Variants in PDXK observed in about 807,000 individuals in gnomAD.
PDXK encodes the protein epididymis secretory sperm binding protein Li 1a.
A neutral mutation model predicts 43.2 loss-of-function variants in PDXK; 15 were observed. The ratio of observed to expected loss-of-function variants is 0.35; its 90% CI spans 0.23 to 0.53. PDXK has a LOEUF of 0.53. Among genes scored for constraint, PDXK ranks in the 20% least tolerant of loss-of-function variants. The pLI, the probability that PDXK is intolerant of heterozygous loss-of-function variation, is 0.92. For synonymous variants in PDXK, 172 were observed against 165.4 expected, an observed-to-expected ratio of 1.04 and a Z score of -0.31; for missense variants, 343 against 417.0, an observed-to-expected ratio of 0.82 and a Z score of 1.54.
chr21:43,744,839 G>C (rs1237592629), intron 4 of PDXK, among the ~76,000 whole-genome samples: 1 of 152,196 alleles, frequency 6.6e-6, no homozygotes, highest in Non-Finnish European at 1.5e-5. Context: ...GTTGTTCCCA[G>C]TGACCAAATG....
intron 5 of PDXK, among the ~76,000 whole-genome samples, chr21:43,747,462 C>T (rs1406400740): frequency 1.3e-5 from 2 of 152,278 alleles, no homozygotes; most frequent in African/African-American, 4.8e-5. Context: ...CCTCCCTGCC[C>T]CGCTGGGTCA....
rs139290917 is a variant in PDXK at position 43,736,372 on chromosome 21, G to A, written c.142+2249G>A. Among the ~76,000 whole-genome samples, 410 of 152,306 alleles carry A rather than the reference G, an allele frequency of 2.7e-3. 2 individuals are homozygous for A. Among genetic ancestry groups the A allele is most frequent in the Non-Finnish European group, 4.3e-3 (294 of 68,024 alleles). ...CCTCCTGCTGCGTGGCCCATCGTGC[G>A]TGCCCAGGACCAGCTCACGCCCTGT... On this transcript the variant is annotated intron_variant, in intron 2 of 10. Transcript: ENST00000291565.
chr21:43,745,289 G>A (rs546307812), intron 4 of PDXK, among the ~76,000 whole-genome samples: 2 of 152,006 alleles, frequency 1.3e-5, no homozygotes, highest in Non-Finnish European at 2.9e-5. Context: ...GCCTGGTGGC[G>A]CACACCTCTA....
rs952880487 is a variant in PDXK, at chr21:43,758,229, C to G, written c.*2166C>G. On this transcript the variant is annotated 3_prime_UTR_variant, in exon 11 of 11. Coordinates refer to ENST00000291565, the MANE Select transcript of PDXK (RefSeq NM_003681.5). ...CATCAGCTTTAGTTCTTGGACTTCC[C>G]TGTATTAAGCAAGAATTAGGAGAAT... 6.5e-6 allele frequency: 1 copy of G among 153,724 alleles called. No homozygotes were observed. Among genetic ancestry groups the G allele is most frequent in the African/African-American group, 2.4e-5 (1 of 41,442 alleles). The allele number at this position is 153,724 out of a possible 1,614,324, so 9.5% of individuals were successfully genotyped here.
intron 1 of PDXK, among the ~76,000 whole-genome samples, chr21:43,724,937 GT>G (rs552712667): frequency 2.1e-3 from 304 of 148,154 alleles, no homozygotes; most frequent in Non-Finnish European, 1.9e-3. Flanking sequence ...GGTAGACCCT[GT>G]TTTTAAAAAA....
intron 5 of PDXK, among the ~76,000 whole-genome samples, chr21:43,748,718 TC>T (rs1368120610): frequency 6.6e-6 from 1 of 151,842 alleles, no homozygotes; most frequent in East Asian, 2.0e-4. Context: ...CTCCTTCACC[TC>T]CTTCTCCTCC....
rs11702042 is a variant in PDXK at position 43,737,789 on chromosome 21, T to C, written c.142+3666T>C. 985,354 of 985,372 alleles carry C rather than the reference T, an allele frequency of 1. 492,668 individuals carry two copies. Among genetic ancestry groups the C allele is most frequent in the Middle Eastern group, 1 (1,914 of 1,914 alleles). The allele number at this position is 985,372 out of a possible 1,614,324, so 61.0% of individuals were successfully genotyped here. On this transcript the variant is annotated intron_variant, in intron 2 of 10. Transcript: ENST00000291565. This position sits in a 1 kb window ranked among gnomAD's most constrained non-coding sequence, Gnocchi z 4.8. ...CTGGCCGGCTGGGATCTGACAGGAG[T>C]GCCAGGCTCCTTGGGCCGCCCGAGG...
rs543422859 is a variant in PDXK, at chr21:43,756,386, G to A, written c.*323G>A. The stretch of plus-strand genomic sequence containing the variant: ...GAGTGGGTGAGGCCGAGCCTGCTGC[G>A]TGTGGAGCCTCGAGTGGGCCCTGGC... On this transcript the variant is annotated 3_prime_UTR_variant, in exon 11 of 11. Transcript: ENST00000291565. The A allele has an allele frequency of 2.1e-5, 6 of 288,690 alleles. No individual in the cohort carries two copies. Among genetic ancestry groups the A allele is most frequent in the East Asian group, 9.5e-5 (1 of 10,484 alleles). The allele number at this position is 288,690 out of a possible 1,614,324, so 17.9% of individuals were successfully genotyped here.
At chr21:43,740,218 G>C (rs2299807) in intron 2 of PDXK, among the ~76,000 whole-genome samples, 24,632 of 152,076 alleles carry the variant, frequency 0.16, 2,434 homozygotes, top group South Asian at 0.31. Context: ...TGCGACGGCT[G>C]CTGGGGAAAG....
rs773502053 is a variant in PDXK at position 43,741,650 on chromosome 21, G to T, written c.143-17G>T. ...GCCCCCTTGTGTCTGAGCCCCCATG[G>T]CTTCCTCTGCCTCTAGGCTATGCCC... On this transcript the variant is annotated splice_polypyrimidine_tract_variant and intron_variant, in intron 2 of 10. Coordinates refer to ENST00000291565, the MANE Select transcript of PDXK (RefSeq NM_003681.5). The T allele has an allele frequency of 5.0e-6, 8 of 1,607,226 alleles. No individual in the cohort carries two copies. The highest frequency in any genetic ancestry group is 6.8e-6 in the Non-Finnish European group (8 of 1,174,890).
At chr21:43,724,178 G>C (rs1236850360) in intron 1 of PDXK, among the ~76,000 whole-genome samples, 1 of 152,174 alleles carries the variant, frequency 6.6e-6, no homozygotes, top group African/African-American at 2.4e-5. Context: ...AGGGGGCTTG[G>C]CGGAGGTTGT....
rs2083880084 is a variant in PDXK at position 43,758,006 on chromosome 21, C to T, written c.*1943C>T. The T allele has an allele frequency of 6.7e-6, 1 of 149,278 alleles. No homozygotes were observed. The allele number at this position is 149,278 out of a possible 1,614,324, so 9.2% of individuals were successfully genotyped here. ...TTTTTCTTTTTTTTTTTTTTTTAAA[C>T]ACCAAGAGCACGTATAGCATGGGGG... is the stretch of plus-strand genomic sequence containing the variant. On this transcript the variant is annotated 3_prime_UTR_variant, in exon 11 of 11. Coordinates refer to ENST00000291565, the MANE Select transcript of PDXK (RefSeq NM_003681.5).
intron 2 of PDXK, among the ~76,000 whole-genome samples, chr21:43,740,148 T>C (rs969238637): frequency 6.6e-6 from 1 of 152,072 alleles, no homozygotes; most frequent in Non-Finnish European, 1.5e-5. Context: ...GATGCCGCAC[T>C]GTGCCTGGAG....
In PDXK at chr21:43,737,474, T is replaced by G. The variant is rs2083424853; in HGVS notation, c.142+3351T>G. 1.9e-6 allele frequency: 2 copies of G among 1,057,560 alleles called. No individual in the cohort carries two copies. Among genetic ancestry groups the G allele is most frequent in the African/African-American group, 1.7e-5 (1 of 58,330 alleles). 65.5% of individuals were successfully genotyped at this position (1,057,560 alleles called of 1,614,324 possible). On this transcript the variant is annotated intron_variant, in intron 2 of 10. Coordinates refer to ENST00000291565, the MANE Select transcript of PDXK (RefSeq NM_003681.5). This position sits in a 1 kb window ranked among gnomAD's most constrained non-coding sequence, Gnocchi z 4.8. Reference sequence around the variant, plus strand: ...TTTCCTGGAGCTCCCTGTCTGAGCTTCCCGGACTGAGGGCACTGGGAAGGA... The same window carrying G: ...TTTCCTGGAGCTCCCTGTCTGAGCTGCCCGGACTGAGGGCACTGGGAAGGA...
intron 8 of PDXK, among the ~76,000 whole-genome samples, chr21:43,753,302 A>C (rs1304704685): frequency 6.6e-6 from 1 of 152,142 alleles, no homozygotes; most frequent in Non-Finnish European, 1.5e-5. Flanking sequence ...GCGTCCAGGT[A>C]CATCCTAGTT....
rs2083586370 is a variant in PDXK, at chr21:43,743,665, A to G, written c.248-59A>G. On this transcript the variant is annotated intron_variant, in intron 3 of 10. Coordinates refer to ENST00000291565, the MANE Select transcript of PDXK (RefSeq NM_003681.5). ...GCTGGTGCTTCTCTTTCTTTGTGCCACAGTTGATCGTGGTGAGTCTCCTGT... is the reference window on the plus strand; with the variant it reads ...GCTGGTGCTTCTCTTTCTTTGTGCCGCAGTTGATCGTGGTGAGTCTCCTGT... 5.0e-6 allele frequency: 6 copies of G among 1,205,532 alleles called. No individual in the cohort carries two copies. In the East Asian group the frequency reaches 1.4e-4, roughly 29 times the overall value. 74.7% of individuals were successfully genotyped at this position (1,205,532 alleles called of 1,614,324 possible).
rs937149707 is a variant in PDXK, at chr21:43,732,953, G to T, written c.88-1116G>T. On this transcript the variant is annotated intron_variant, in intron 1 of 10. Coordinates refer to ENST00000291565, the MANE Select transcript of PDXK (RefSeq NM_003681.5). The surrounding 1 kb of genome is among the most constrained non-coding windows in gnomAD (Gnocchi z 4.1). ...GTAGAGACAGGGTTTTTGCCATGTT[G>T]CCCAGGCTGGTCTTGAACTCCTGGC... Among the ~76,000 whole-genome samples, 1 of 151,988 alleles carries T rather than the reference G, an allele frequency of 6.6e-6. No homozygotes were observed. The highest frequency in any genetic ancestry group is 6.6e-5 in the Admixed American group (1 of 15,256).
intron 1 of PDXK, among the ~76,000 whole-genome samples, chr21:43,731,000 AT>A (rs981902068): frequency 1.2e-3 from 186 of 150,326 alleles, no homozygotes; most frequent in Non-Finnish European, 2.1e-3. Flanking sequence ...TTATGACTCA[AT>A]TTTTTTTTTA....
rs1421119628 is a variant in PDXK at position 43,758,680 on chromosome 21, A to G, written c.*2617A>G. The G allele has an allele frequency of 6.5e-6, 1 of 153,276 alleles. No individual in the cohort carries two copies. The highest frequency in any genetic ancestry group is 1.5e-5 in the Non-Finnish European group (1 of 68,040). 9.5% of individuals were successfully genotyped at this position (153,276 alleles called of 1,614,324 possible). ...CAGATTAGAATTGATCTTTGTTTTC[A>G]CTTTCCATAGTTAATAACATGCAAA... On this transcript the variant is annotated 3_prime_UTR_variant, in exon 11 of 11. Transcript: ENST00000291565.
Sources: gnomAD v4.1 joint callset for allele counts (sites outside exome capture counted in the v4.1 genomes callset) on GRCh38, gnomAD v4.1.1 for gene constraint, Gnocchi (gnomAD v3.1) non-coding constraint, MANE v1.5 for transcripts, NCBI Gene and HGNC (gene_info 2026-07-23, HGNC 2026-07-21) for gene names.